Variants in ABCA5 observed in about 807,000 individuals in gnomAD.
ABCA5 encodes the protein cholesterol transporter ABCA5.
Under a neutral mutation model 206.0 loss-of-function variants are expected in ABCA5, and 163 were observed. The ratio of observed to expected loss-of-function variants is 0.79; its 90% CI spans 0.70 to 0.90. The LOEUF is 0.90. ABCA5 is among the 40% of genes least tolerant of loss of function. The pLI is 0.00. For synonymous variants in ABCA5, 609 were observed against 613.8 expected, an observed-to-expected ratio of 0.99 and a Z score of 0.11; for missense variants, 1,859 against 1,912.9, an observed-to-expected ratio of 0.97 and a Z score of 0.53.
Position 69,294,984 on chromosome 17 carries a change from G to A in ABCA5, c.1437-271C>T, listed in dbSNP as rs1184727823. On this transcript the variant is annotated intron_variant, in intron 10 of 38. Transcript: ENST00000392676. The stretch of plus-strand genomic sequence containing the variant: ...ATCCCCTAAAACTAATCTATTAATA[G>A]CCTACTATTGATAAGAAGTCTTGCA... Among the ~76,000 whole-genome samples the A allele has an allele frequency of 3.3e-5, 5 of 152,008 alleles. No individual in the cohort carries two copies. In the South Asian group the frequency reaches 6.2e-4, roughly 19 times the overall value.
chr17:69,268,885 C>T (rs1251876482), intron 22 of ABCA5: 1 of 152,034 alleles, frequency 6.6e-6, no homozygotes, highest in Non-Finnish European at 1.5e-5. Flanking sequence ...AAGTCAATTC[C>T]AAAGTTCAGG....
rs756055734 is a variant in ABCA5, at chr17:69,255,634, C to T, written c.3977G>A (p.Gly1326Glu). 4.4e-6 allele frequency: 7 copies of T among 1,577,136 alleles called. No individual in the cohort carries two copies. The Admixed American group carries it at 6.3e-5, about 14-fold the overall frequency. Residue 1326 changes from glycine (G) to glutamate (E), a missense_variant and splice_region_variant, in exon 31 of 39, where the codon GGA (glycine) becomes GAA (glutamate). Coordinates refer to ENST00000392676, the MANE Select transcript of ABCA5 (RefSeq NM_172232.4). ...TKYISFCVKK[G>E]EILGLLGPNG... ...TGGACCCAATAGTCCTAAGATCTCT[C>T]CTAAAGGAATTGAAAGAAAAAAAAA...
chr17:69,322,450 T>C (rs2075872664), intron 1 of ABCA5, among the ~76,000 whole-genome samples: 2 of 142,272 alleles, frequency 1.4e-5, no homozygotes, highest in South Asian at 4.4e-4. Flanking sequence ...GTAATAAAAA[T>C]GTACATAACC....
chr17:69,289,734 C>T, intron 13 of ABCA5, 128 bp downstream of exon 13: 2 of 733,756 alleles, frequency 2.7e-6, no homozygotes, highest in South Asian at 2.2e-5. Context: ...TTTGTAATAG[C>T]TTTCTGTTTG....
intron 21 of ABCA5, 99 bp downstream of exon 21, chr17:69,271,063 T>A: frequency 1.4e-6 from 2 of 1,389,376 alleles, no homozygotes; most frequent in South Asian, 3.1e-5. Flanking sequence ...ATCTAATTTC[T>A]AACTCATAAG....
Position 69,299,459 on chromosome 17 carries a change from C to CACACACAT in ABCA5, c.1267+1679_1267+1680insATGTGTGT, listed in dbSNP as rs2075626908. 2.5e-5 allele frequency among the ~76,000 whole-genome samples: 3 copies of CACACACAT among 121,034 alleles called. No individual in the cohort carries two copies. In the South Asian group the frequency reaches 9.5e-4, roughly 38 times the overall value. 79.4% of individuals were successfully genotyped at this position (121,034 alleles called of 152,430 possible). ...AACTGGATAAAGAAAATGTGATACACACACACACACATACACACACACACA... is the reference window on the plus strand; with the variant it reads ...AACTGGATAAAGAAAATGTGATACACACACACATACACACACACATACACACACACACA... On this transcript the variant is annotated intron_variant, in intron 9 of 38. Transcript: ENST00000392676.
intron 6 of ABCA5, among the ~76,000 whole-genome samples, chr17:69,306,158 T>C (rs1308756559): frequency 1.3e-5 from 2 of 152,180 alleles, no homozygotes; most frequent in Non-Finnish European, 2.9e-5. Flanking sequence ...AAAATGCTGA[T>C]ACATTAAAGG....
In ABCA5 at chr17:69,255,729, C is replaced by A; in HGVS notation, c.3976+4G>T. ...AGTTATGTAAGGAAAAATTAAATAC[C>A]AGCCTTTTTTCACACAGAAAGAGAT... On this transcript the variant is annotated splice_donor_region_variant and intron_variant, in intron 30 of 38. Coordinates refer to ENST00000392676, the MANE Select transcript of ABCA5 (RefSeq NM_172232.4). 2 of 1,579,310 alleles carry A rather than the reference C, an allele frequency of 1.3e-6. No homozygotes were observed. Among genetic ancestry groups the A allele is most frequent in the South Asian group, 1.2e-5 (1 of 83,974 alleles).
intron 9 of ABCA5, among the ~76,000 whole-genome samples, chr17:69,297,701 A>G (rs2075598737): frequency 6.6e-6 from 1 of 152,192 alleles, no homozygotes; most frequent in Admixed American, 6.5e-5. Flanking sequence ...TAATGCCTTT[A>G]TGAGTACAAG....
chr17:69,268,085 G>T, intron 22 of ABCA5, 29 bp from the exon 23 acceptor site: 3 of 1,022,758 alleles, frequency 2.9e-6, no homozygotes, highest in Non-Finnish European at 4.6e-6. Flanking sequence ...GTAACAAATG[G>T]AACTGAGAAT....
chr17:69,294,785 AT>A (rs2075568467), intron 10 of ABCA5, 72 bp from the exon 11 acceptor site: 13 of 902,262 alleles, frequency 1.4e-5, no homozygotes, highest in Middle Eastern at 3.2e-4. Flanking sequence ...TACCATGCAT[AT>A]TTTTATCAAT....
Position 69,302,852 on chromosome 17 carries a change from T to G in ABCA5, c.985A>C (p.Ile329Leu). ...PLFKKSKHVG[I>L]VEFFVTVAFG... ...GCCACAGTAACAAAAAATTCAACTA[T>G]TCCCACATGTTTTGATTTTTTAAAA... Residue 329 changes from isoleucine to leucine, a missense_variant, in exon 8 of 39, where the codon ATA becomes CTA. Coordinates refer to ENST00000392676, the MANE Select transcript of ABCA5 (RefSeq NM_172232.4). 6.3e-7 allele frequency: 1 copy of G among 1,584,134 alleles called. No homozygotes were observed.
intron 35 of ABCA5, 77 bp downstream of exon 35, chr17:69,251,670 C>T: frequency 6.6e-7 from 1 of 1,521,782 alleles, no homozygotes; most frequent in Non-Finnish European, 8.8e-7. Flanking sequence ...TAACTATTGC[C>T]ATGTTTTTGA....
chr17:69,251,164 A>G (rs1013047395), intron 35 of ABCA5: 2 of 152,974 alleles, frequency 1.3e-5, no homozygotes, highest in African/African-American at 2.4e-5. Context: ...ATCATATCAT[A>G]TCAGTGAATA....
chr17:69,267,301 T>C (rs757877784), intron 23 of ABCA5, among the ~76,000 whole-genome samples: 2 of 152,198 alleles, frequency 1.3e-5, no homozygotes, highest in Admixed American at 6.5e-5. Flanking sequence ...GAATTTTTAT[T>C]AGAGCAGTAA....
intron 28 of ABCA5, among the ~76,000 whole-genome samples, chr17:69,259,398 CAG>C (rs2074399113): frequency 6.6e-6 from 1 of 151,840 alleles, no homozygotes; most frequent in African/African-American, 2.4e-5. Context: ...AAAAAGCAAA[CAG>C]ATATAAAAGT....
intron 22 of ABCA5, chr17:69,269,002 G>A (rs894857745): frequency 1.3e-5 from 2 of 152,212 alleles, no homozygotes; most frequent in African/African-American, 4.8e-5. Context: ...GGAAATGAAT[G>A]AGACTACAGT....
chr17:69,304,526 C>T (rs1279889994), intron 7 of ABCA5, 143 bp downstream of exon 7: 1 of 657,482 alleles, frequency 1.5e-6, no homozygotes, highest in Non-Finnish European at 2.4e-6. Flanking sequence ...GATGCCACAT[C>T]ATTTATTTAT....
At chr17:69,281,378 T>G (rs1461943449) in intron 18 of ABCA5, among the ~76,000 whole-genome samples, 1 of 152,070 alleles carries the variant, frequency 6.6e-6, no homozygotes, top group East Asian at 1.9e-4. Flanking sequence ...TTTGGGAGAC[T>G]TGCTTCTTTT....
Sources: allele counts gnomAD v4.1 joint callset (sites outside exome capture counted in the v4.1 genomes callset), GRCh38; gene constraint gnomAD v4.1.1; transcripts MANE v1.5; gene names NCBI Gene and HGNC (gene_info 2026-07-23, HGNC 2026-07-21).